Variants in SDK1 observed in about 807,000 individuals in gnomAD.
SDK1 encodes the protein protein sidekick-1.
SDK1 carries 157 observed loss-of-function variants against 245.5 expected under a neutral mutation model. The observed-to-expected ratio is 0.64, with a 90% CI of 0.56 to 0.73. SDK1 has a LOEUF of 0.73. SDK1 is among the 30% of genes least tolerant of loss of function. The pLI is 0.00. For synonymous variants in SDK1, 1,647 were observed against 1,278.5 expected (o/e 1.29, Z -6.15); for missense variants, 3,583 against 3,002.3 (o/e 1.19, Z -4.52).
chr7:4,012,007 A>C, intron 15 of SDK1, 88 bp from the exon 16 acceptor site: 1 of 1,175,332 alleles, frequency 8.5e-7, no homozygotes, highest in Non-Finnish European at 1.1e-6. Flanking sequence ...AGTCAGGCTC[A>C]AGATTCAGCA....
chr7:3,810,154 A>G (rs944147152), intron 4 of SDK1, among the ~76,000 whole-genome samples: 1 of 152,028 alleles, frequency 6.6e-6, no homozygotes, highest in African/African-American at 2.4e-5. Flanking sequence ...AGGATTCTTC[A>G]TGAGGAGCCC....
chr7:4,095,128 C>T (rs575040683), intron 22 of SDK1, among the ~76,000 whole-genome samples: 3 of 143,262 alleles, frequency 2.1e-5, no homozygotes, highest in African/African-American at 5.3e-5. Context: ...GTCTTCCTCA[C>T]CTCCCCCACA....
At chr7:3,375,228 C>T (rs1017951287) in intron 1 of SDK1, among the ~76,000 whole-genome samples, 1 of 150,464 alleles carries the variant, frequency 6.6e-6, no homozygotes, top group Non-Finnish European at 1.5e-5. Context: ...AGAAAACAAA[C>T]ACTAGTGGAG....
Position 4,267,280 on chromosome 7 carries a change from C to G in SDK1, c.*1896C>G. ...TCCCTCCTTCCCTCCCTTCCTTCCT[C>G]TCTTTCCTCCTTCCTTCCCTCCCTT... On this transcript the variant is annotated 3_prime_UTR_variant, in exon 45 of 45. Coordinates refer to ENST00000404826, the MANE Select transcript of SDK1 (RefSeq NM_152744.4). The G allele has an allele frequency of 1.7e-6, 1 of 584,568 alleles. No individual in the cohort carries two copies. Among genetic ancestry groups the G allele is most frequent in the Middle Eastern group, 8.7e-4 (1 of 1,150 alleles). 36.2% of individuals were successfully genotyped at this position (584,568 alleles called of 1,614,324 possible). A position where few individuals can be genotyped will look rare whatever the true frequency, so the allele number is the denominator to read the frequency against.
At chr7:3,538,085 G>A (rs1182445774) in intron 1 of SDK1, among the ~76,000 whole-genome samples, 1 of 152,142 alleles carries the variant, frequency 6.6e-6, no homozygotes, top group African/African-American at 2.4e-5. Flanking sequence ...GACAGACCAC[G>A]TGGCCTTAGT....
At chr7:3,926,783 C>T (rs1779787014) in intron 5 of SDK1, among the ~76,000 whole-genome samples, 1 of 152,244 alleles carries the variant, frequency 6.6e-6, no homozygotes, top group African/African-American at 2.4e-5. Context: ...GCTGTGGCAT[C>T]TGCAGACCTG....
At chr7:3,958,750 C>A (rs1781452888) in intron 7 of SDK1, among the ~76,000 whole-genome samples, 181 bp from the exon 8 acceptor site, 1 of 152,134 alleles carries the variant, frequency 6.6e-6, no homozygotes, top group Non-Finnish European at 1.5e-5. Flanking sequence ...TTTCTGAAAC[C>A]CCAGACTGTA....
rs112392956 is a variant in SDK1, at chr7:3,567,539, A to G, written c.299-51541A>G. On this transcript the variant is annotated intron_variant, in intron 1 of 44. Transcript: ENST00000404826. ...AGAAAACTACCACAGTAAATGGAAA[A>G]AAGGTAAATGAGGTACATGCTAGTC... is the stretch of plus-strand genomic sequence containing the variant. 8.9e-3 allele frequency among the ~76,000 whole-genome samples: 1,350 copies of G among 152,334 alleles called. 28 individuals carry two copies. Among genetic ancestry groups the G allele is most frequent in the African/African-American group, 0.031 (1,268 of 41,566 alleles).
intron 8 of SDK1, among the ~76,000 whole-genome samples, chr7:3,959,523 C>T (rs1282251689): frequency 1.3e-5 from 2 of 152,204 alleles, no homozygotes; most frequent in African/African-American, 4.8e-5. Context: ...GTGCGTCCGT[C>T]ACTGGAGTGA....
At position 3,468,448 on chromosome 7, in the gene SDK1, C is replaced by T. The variant is rs569824567; in HGVS notation, c.299-150632C>T. On this transcript the variant is annotated intron_variant, in intron 1 of 44. Transcript: ENST00000404826. Reference sequence around the variant, plus strand: ...CCCATAGAAACTAGAATTTGTCTTCCCCAAGGCAGATCATAGAAACCAGAA... The same window carrying T: ...CCCATAGAAACTAGAATTTGTCTTCTCCAAGGCAGATCATAGAAACCAGAA... Among the ~76,000 whole-genome samples the T allele has an allele frequency of 3.9e-5, 6 of 152,234 alleles. No individual in the cohort carries two copies. The South Asian group carries it at 1.2e-3, about 32-fold the overall frequency.
intron 4 of SDK1, among the ~76,000 whole-genome samples, chr7:3,675,015 G>A (rs142449724): frequency 3.7e-4 from 56 of 152,256 alleles, no homozygotes; most frequent in Middle Eastern, 6.8e-3. Flanking sequence ...AAACAAGCCT[G>A]CATCAAATTC....
chr7:4,155,610 C>T (rs1272153929), intron 30 of SDK1, among the ~76,000 whole-genome samples: 2 of 152,334 alleles, frequency 1.3e-5, no homozygotes, highest in East Asian at 3.9e-4. Flanking sequence ...AATAAGTAAG[C>T]ATAATCGCAA....
chr7:3,875,051 G>A (rs140408845), intron 5 of SDK1, among the ~76,000 whole-genome samples: 156 of 152,292 alleles, frequency 1.0e-3, no homozygotes, highest in African/African-American at 3.6e-3. Flanking sequence ...ACGCTCACTA[G>A]CCCATACTTG....
intron 41 of SDK1, among the ~76,000 whole-genome samples, chr7:4,235,383 C>T (rs1326187053): frequency 1.3e-5 from 2 of 152,166 alleles, no homozygotes; most frequent in Non-Finnish European, 2.9e-5. Flanking sequence ...AGGCTGGTCT[C>T]GAACTCCTGA....
At position 4,026,529 on chromosome 7, in the gene SDK1, C is replaced by G. The variant is rs575989659; in HGVS notation, c.2602+9177C>G. Reference sequence around the variant, plus strand: ...CCCACGTGCTGTGCCCCCACCCCAGCCCAAACACTGGCCCCAAATGCTTCT... The same window carrying G: ...CCCACGTGCTGTGCCCCCACCCCAGGCCAAACACTGGCCCCAAATGCTTCT... On this transcript the variant is annotated intron_variant, in intron 17 of 44. Transcript: ENST00000404826. The surrounding 1 kb of genome is among the most constrained non-coding windows in gnomAD (Gnocchi z 4.1). Among the ~76,000 whole-genome samples the G allele has an allele frequency of 3.3e-5, 5 of 152,298 alleles. 1 individual carries two copies. In the South Asian group the frequency reaches 1.0e-3, roughly 32 times the overall value.
At chr7:3,675,636 T>C (rs1210928676) in intron 4 of SDK1, among the ~76,000 whole-genome samples, 2 of 152,032 alleles carry the variant, frequency 1.3e-5, no homozygotes, top group African/African-American at 2.4e-5. Flanking sequence ...TATAGTAGCA[T>C]GGTCATAGCT....
chr7:3,855,885 T>C (rs1335841701), intron 5 of SDK1, among the ~76,000 whole-genome samples: 3 of 152,212 alleles, frequency 2.0e-5, no homozygotes, highest in African/African-American at 7.2e-5. Flanking sequence ...TAAGACTTTT[T>C]CAGACATTCA....
intron 15 of SDK1, among the ~76,000 whole-genome samples, chr7:4,011,430 G>A (rs573285396): frequency 6.6e-6 from 1 of 152,342 alleles, no homozygotes; most frequent in African/African-American, 2.4e-5. Flanking sequence ...TGTTTTCCGT[G>A]TTCTTTGTCC....
chr7:3,304,414 C>T (rs528089803), intron 1 of SDK1, among the ~76,000 whole-genome samples: 4 of 152,280 alleles, frequency 2.6e-5, no homozygotes, highest in Admixed American at 1.3e-4. Flanking sequence ...GTGTGAAGTC[C>T]GTGGTGCCTT....
Sources: gnomAD v4.1 joint callset for allele counts (sites outside exome capture counted in the v4.1 genomes callset) on GRCh38, gnomAD v4.1.1 for gene constraint, Gnocchi (gnomAD v3.1) non-coding constraint, MANE v1.5 for transcripts, NCBI Gene and HGNC (gene_info 2026-07-23, HGNC 2026-07-21) for gene names.